Variants in INPP4B observed in about 807,000 individuals in gnomAD.
INPP4B encodes inositol polyphosphate 4-phosphatase type II.
Under a neutral mutation model 122.5 loss-of-function variants are expected in INPP4B, and 55 were observed. That is an observed-to-expected ratio of 0.45 (90% CI 0.36 to 0.56). INPP4B has a LOEUF of 0.56. Among genes scored for constraint, INPP4B ranks in the 20% least tolerant of loss-of-function variants. The probability of loss-of-function intolerance (pLI) is 0.00; values close to 1 mark genes in which losing one functional copy is unlikely to be tolerated. For synonymous variants in INPP4B, 403 were observed against 388.7 expected (o/e 1.04, Z -0.43); for missense variants, 1,000 against 1,097.7 (o/e 0.91, Z 1.26).
intron 25 of INPP4B, among the ~76,000 whole-genome samples, chr4:142,077,443 C>A (rs1425907675): frequency 1.3e-5 from 2 of 151,896 alleles, no homozygotes; most frequent in Admixed American, 1.3e-4. Flanking sequence ...TTTATAGAGG[C>A]ATTAAATTTC....
At chr4:142,707,606 T>C (rs1762617598) in intron 2 of INPP4B, among the ~76,000 whole-genome samples, 1 of 152,252 alleles carries the variant, frequency 6.6e-6, no homozygotes, top group Admixed American at 6.5e-5. Context: ...ACATAACATG[T>C]ACCTCCTTCC....
At chr4:142,426,257 TTA>T (rs1808033533) in intron 5 of INPP4B, among the ~76,000 whole-genome samples, 1 of 151,996 alleles carries the variant, frequency 6.6e-6, no homozygotes, top group Admixed American at 6.6e-5. Context: ...CTTGTCAAGA[TTA>T]GTCTCCTTTA....
At chr4:142,644,981 G>A (rs531679599) in intron 2 of INPP4B, among the ~76,000 whole-genome samples, 17 of 150,230 alleles carry the variant, frequency 1.1e-4, no homozygotes, top group African/African-American at 3.9e-4. Flanking sequence ...ATTCTATGGA[G>A]AAAGAAAAAG....
intron 25 of INPP4B, among the ~76,000 whole-genome samples, chr4:142,051,263 T>G (rs935287738): frequency 1.3e-5 from 2 of 152,050 alleles, no homozygotes; most frequent in African/African-American, 4.8e-5. Flanking sequence ...ACATAATACC[T>G]TTACTTTATC....
At chr4:142,822,793 A>G (rs1780949817) in intron 1 of INPP4B, among the ~76,000 whole-genome samples, 1 of 152,182 alleles carries the variant, frequency 6.6e-6, no homozygotes, top group South Asian at 2.1e-4. Flanking sequence ...ATTTTTACAT[A>G]GTCTCTTAGC....
At position 142,509,922 on chromosome 4, in the gene INPP4B, C is replaced by T. The variant is rs562500251; in HGVS notation, c.-190-47196G>A. 6.6e-5 allele frequency among the ~76,000 whole-genome samples: 10 copies of T among 151,966 alleles called. No homozygotes were observed. The South Asian group carries it at 1.7e-3, about 25-fold the overall frequency. ...GATCATACAAAGCAACATTAAGAGG[C>T]GAAAATGGGAAACCTAAGAATTTAC... On this transcript the variant is annotated intron_variant, in intron 2 of 25. Coordinates refer to ENST00000262992, the MANE Select transcript of INPP4B (RefSeq NM_001101669.3).
chr4:142,389,441 T>C (rs1796999508), intron 7 of INPP4B, among the ~76,000 whole-genome samples: 1 of 152,162 alleles, frequency 6.6e-6, no homozygotes, highest in South Asian at 2.1e-4. Context: ...AAAACTGTAA[T>C]GCCTTTTAGT....
At chr4:142,373,919 C>T (rs1790846165) in intron 7 of INPP4B, among the ~76,000 whole-genome samples, 1 of 151,718 alleles carries the variant, frequency 6.6e-6, no homozygotes. Context: ...ATATTAAGAA[C>T]AGCAGCAATA....
chr4:142,312,884 C>T (rs924631077), intron 8 of INPP4B, among the ~76,000 whole-genome samples: 2 of 152,146 alleles, frequency 1.3e-5, no homozygotes, highest in African/African-American at 4.8e-5. Context: ...AACAGGTAAC[C>T]ATTGCCTGAG....
chr4:142,605,053 G>A lies in INPP4B; in HGVS notation c.-191+120786C>T, dbSNP rs146159679. Among the ~76,000 whole-genome samples, 292 of 152,094 alleles carry A rather than the reference G, an allele frequency of 1.9e-3. 1 individual carries two copies. The highest frequency in any genetic ancestry group is 3.3e-3 in the Non-Finnish European group (224 of 67,932). On this transcript the variant is annotated intron_variant, in intron 2 of 25. Coordinates refer to ENST00000262992, the MANE Select transcript of INPP4B (RefSeq NM_001101669.3). ...CAAATGGAACAGAACAGAGGAGCCAGAAATAAATCCACATATTTATAGCCA... is the reference window on the plus strand; with the variant it reads ...CAAATGGAACAGAACAGAGGAGCCAAAAATAAATCCACATATTTATAGCCA...
At chr4:142,333,356 G>A (rs990858588) in intron 7 of INPP4B, among the ~76,000 whole-genome samples, 2 of 152,166 alleles carry the variant, frequency 1.3e-5, no homozygotes. Context: ...TGATCCCTAA[G>A]TACATTAAAG....
intron 1 of INPP4B, among the ~76,000 whole-genome samples, chr4:142,826,437 G>A (rs539540436): frequency 3.3e-5 from 5 of 152,086 alleles, no homozygotes; most frequent in Non-Finnish European, 5.9e-5. Flanking sequence ...CTGAGTCCCA[G>A]TAGGCACTGA....
At chr4:142,836,719 T>TACACACACACACACACACACACACAC (rs138777384) in intron 1 of INPP4B, among the ~76,000 whole-genome samples, 6 of 146,510 alleles carry the variant, frequency 4.1e-5, no homozygotes, top group East Asian at 2.0e-4. Context: ...AAGTACTGTC[T>TACACACACACACACACACACACACAC]ACACACACAC....
intron 2 of INPP4B, among the ~76,000 whole-genome samples, chr4:142,623,702 A>G (rs1745517468): frequency 6.6e-6 from 1 of 150,986 alleles, no homozygotes; most frequent in Admixed American, 6.6e-5. Flanking sequence ...ATATCTCCTA[A>G]TGCTATCCCT....
chr4:142,252,535 A>T (rs904051646), intron 11 of INPP4B, among the ~76,000 whole-genome samples: 2 of 152,186 alleles, frequency 1.3e-5, no homozygotes, highest in Non-Finnish European at 2.9e-5. Flanking sequence ...TATCATTTAA[A>T]AATTGGTTCC....
At chr4:142,781,735 T>C (rs971724273) in intron 1 of INPP4B, among the ~76,000 whole-genome samples, 5 of 152,140 alleles carry the variant, frequency 3.3e-5, no homozygotes, top group Non-Finnish European at 7.4e-5. Flanking sequence ...ATTTACATCT[T>C]CACGTAAGGT....
At position 142,124,638 on chromosome 4, in the gene INPP4B, G is replaced by T; in HGVS notation, c.1843C>A (p.Pro615Thr). ...CTTAGCGTCAGCATCAGACACTGGG[G>T]CAAGCTGTACGCAAGTTCCTGAAGG... is the stretch of plus-strand genomic sequence containing the variant. ...VLLQELAYSL[P>T]QCLMLTLRRD... The change falls in exon 19 of 26, where the codon CCC becomes ACC. Residue 615 changes from proline to threonine, a missense_variant. Pro to Thr is a conservative substitution (Grantham distance 38, BLOSUM62 -1). Transcript: ENST00000262992. The T allele has an allele frequency of 6.2e-7, 1 of 1,613,516 alleles. No individual in the cohort carries two copies. The highest frequency in any genetic ancestry group is 8.5e-7 in the Non-Finnish European group (1 of 1,179,654).
At chr4:142,182,475 G>A (rs555965536) in intron 15 of INPP4B, among the ~76,000 whole-genome samples, 1 of 147,046 alleles carries the variant, frequency 6.8e-6, no homozygotes, top group East Asian at 2.1e-4. Flanking sequence ...TTGAACCCGG[G>A]AGGCGGAGCT....
chr4:142,813,195 A>G (rs1779728695), intron 1 of INPP4B, among the ~76,000 whole-genome samples: 1 of 152,220 alleles, frequency 6.6e-6, no homozygotes, highest in African/African-American at 2.4e-5. Flanking sequence ...AGTTAAAATG[A>G]CACTATCTTA....
Sources: allele counts gnomAD v4.1 joint callset (sites outside exome capture counted in the v4.1 genomes callset), GRCh38; gene constraint gnomAD v4.1.1; transcripts MANE v1.5; gene names NCBI Gene and HGNC (gene_info 2026-07-23, HGNC 2026-07-21).